The following NRG3 variants were observed in gnomAD, a reference collection of about 807,000 sequenced individuals.
NRG3 encodes pro-neuregulin-3, membrane-bound isoform.
In NRG3, 31 loss-of-function variants were observed where a neutral mutation model predicts 66.9. The ratio of observed to expected loss-of-function variants is 0.46; its 90% CI spans 0.35 to 0.63. NRG3 has a LOEUF of 0.63. Among genes scored for constraint, NRG3 ranks in the 20% least tolerant of loss-of-function variants. The probability of loss-of-function intolerance (pLI) is 0.00; values close to 1 mark genes in which losing one functional copy is unlikely to be tolerated. For missense variants in NRG3, 910 were observed against 878.9 expected (o/e 1.04, Z -0.45); for synonymous variants, 393 against 359.4 (o/e 1.09, Z -1.06).
chr10:82,909,939 T>G (rs1223031086), intron 4 of NRG3, among the ~76,000 whole-genome samples: 3 of 152,150 alleles, frequency 2.0e-5, no homozygotes, highest in African/African-American at 7.2e-5. Context: ...AAGGATAAAC[T>G]GTTGAAATTC....
At chr10:82,916,112 C>CTGT (rs1347527551) in intron 4 of NRG3, among the ~76,000 whole-genome samples, 1 of 152,064 alleles carries the variant, frequency 6.6e-6, no homozygotes, top group East Asian at 1.9e-4. Context: ...CTGAATAGAA[C>CTGT]TGTTATGACT....
intron 1 of NRG3, among the ~76,000 whole-genome samples, chr10:82,137,278 A>C (rs1401605174): frequency 6.6e-6 from 1 of 152,062 alleles, no homozygotes; most frequent in African/African-American, 2.4e-5. Context: ...TTTAGAACCA[A>C]CTCTCTGCTC....
chr10:82,108,132 G>A (rs184510036), intron 1 of NRG3, among the ~76,000 whole-genome samples: 152 of 152,286 alleles, frequency 1.0e-3, no homozygotes, highest in African/African-American at 3.5e-3. Flanking sequence ...GATGAAGAAC[G>A]ACAAAGTAAT....
At position 82,730,180 on chromosome 10, in the gene NRG3, G is replaced by C. The variant is rs187098101; in HGVS notation, c.954-8397G>C. Among the ~76,000 whole-genome samples the C allele has an allele frequency of 4.2e-3, 630 of 151,106 alleles. 9 individuals are homozygous for C. Among genetic ancestry groups the C allele is most frequent in the African/African-American group, 0.014 (576 of 41,080 alleles). ...GGCCAATGCAAGCTCTGCCTCCCAG[G>C]TTCCAGCCATTCTCCTGCCTCAGCC... is the stretch of plus-strand genomic sequence containing the variant. On this transcript the variant is annotated intron_variant, in intron 2 of 8. Coordinates refer to ENST00000372141, the MANE Select transcript of NRG3 (RefSeq NM_001010848.4).
chr10:82,152,511 C>CT (rs1009021413), intron 1 of NRG3, among the ~76,000 whole-genome samples: 16 of 151,226 alleles, frequency 1.1e-4, no homozygotes, highest in Middle Eastern at 3.2e-3. Flanking sequence ...TGAACTATTT[C>CT]TTTTTTTTTG....
At chr10:82,044,461 A>AG (rs2063177800) in intron 1 of NRG3, among the ~76,000 whole-genome samples, 1 of 152,022 alleles carries the variant, frequency 6.6e-6, no homozygotes, top group South Asian at 2.1e-4. Flanking sequence ...GAATATCCAG[A>AG]GAAAAACCAT....
intron 2 of NRG3, among the ~76,000 whole-genome samples, chr10:82,723,589 A>G (rs749969177): frequency 9.9e-5 from 15 of 152,252 alleles, no homozygotes; most frequent in Non-Finnish European, 2.1e-4. Context: ...TAACTTGGAA[A>G]AAAAAATAGA....
At chr10:82,772,637 A>G (rs935046471) in intron 3 of NRG3, among the ~76,000 whole-genome samples, 1 of 150,092 alleles carries the variant, frequency 6.7e-6, no homozygotes, top group Admixed American at 6.7e-5. Flanking sequence ...GGGGTCATCC[A>G]TGTCGTAACA....
chr10:82,533,698 T>A (rs752027333), intron 2 of NRG3, among the ~76,000 whole-genome samples: 3 of 152,052 alleles, frequency 2.0e-5, no homozygotes, highest in Admixed American at 6.6e-5. Context: ...AGGATACGTA[T>A]CATCACCATT....
chr10:82,078,734 A>T (rs1252758374), intron 1 of NRG3, among the ~76,000 whole-genome samples: 1 of 152,248 alleles, frequency 6.6e-6, no homozygotes, highest in Non-Finnish European at 1.5e-5. Context: ...TTAAGTGCTA[A>T]TATTTTTTAA....
chr10:82,467,634 G>T (rs2132024681), intron 2 of NRG3, among the ~76,000 whole-genome samples: 1 of 152,142 alleles, frequency 6.6e-6, no homozygotes, highest in Non-Finnish European at 1.5e-5. Context: ...GGACAGGAAG[G>T]GAACAAGAGG....
At chr10:82,380,069 T>C (rs1352587490) in intron 2 of NRG3, among the ~76,000 whole-genome samples, 3 of 152,096 alleles carry the variant, frequency 2.0e-5, no homozygotes, top group African/African-American at 7.2e-5. Flanking sequence ...TCACCAAGGT[T>C]TAACCACAGT....
chr10:82,378,460 C>T (rs1435966005), intron 2 of NRG3, among the ~76,000 whole-genome samples: 1 of 152,158 alleles, frequency 6.6e-6, no homozygotes, highest in Admixed American at 6.5e-5. Flanking sequence ...AAGCCTGGAT[C>T]CCTGTAACTT....
chr10:82,025,520 A>G (rs1167945928), intron 1 of NRG3, among the ~76,000 whole-genome samples: 1 of 151,990 alleles, frequency 6.6e-6, no homozygotes, highest in Non-Finnish European at 1.5e-5. Context: ...TGCTGGTCAA[A>G]GGACATAAAT....
chr10:82,516,099 G>A (rs1221874692), intron 2 of NRG3, among the ~76,000 whole-genome samples: 1 of 152,016 alleles, frequency 6.6e-6, no homozygotes, highest in Non-Finnish European at 1.5e-5. Context: ...AGACTCTTTT[G>A]TAGCAGCATA....
chr10:82,265,581 T>G lies in NRG3; in HGVS notation c.824-93158T>G, dbSNP rs72827306. ...GGCGTAATAATAGATAACGATGAGT[T>G]CTGAAGTATGATTAATTAAGGTAAA... On this transcript the variant is annotated intron_variant, in intron 1 of 8. Coordinates refer to ENST00000372141, the MANE Select transcript of NRG3 (RefSeq NM_001010848.4). 3.1e-3 allele frequency among the ~76,000 whole-genome samples: 472 copies of G among 152,302 alleles called. 2 individuals carry two copies. The highest frequency in any genetic ancestry group is 5.5e-3 in the Non-Finnish European group (374 of 68,028).
At chr10:82,217,407 C>T (rs979511672) in intron 1 of NRG3, among the ~76,000 whole-genome samples, 7 of 152,254 alleles carry the variant, frequency 4.6e-5, no homozygotes, top group African/African-American at 1.4e-4. Context: ...TTCTGAGGCT[C>T]CCTCCCAGAC....
chr10:82,090,002 CAG>C (rs1243824112), intron 1 of NRG3, among the ~76,000 whole-genome samples: 2 of 152,184 alleles, frequency 1.3e-5, no homozygotes, highest in African/African-American at 2.4e-5. Context: ...TTGAAATTGA[CAG>C]AGTCACATTT....
intron 2 of NRG3, among the ~76,000 whole-genome samples, chr10:82,604,988 A>G (rs1219510864): frequency 6.6e-6 from 1 of 152,066 alleles, no homozygotes; most frequent in East Asian, 1.9e-4. Context: ...CATGTCATCT[A>G]CAAACACAGG....
Sources: gnomAD v4.1 joint callset for allele counts (sites outside exome capture counted in the v4.1 genomes callset) on GRCh38, gnomAD v4.1.1 for gene constraint, MANE v1.5 for transcripts, NCBI Gene and HGNC (gene_info 2026-07-23, HGNC 2026-07-21) for gene names.